Variants in SCN8A observed in about 807,000 individuals in gnomAD.
The protein encoded by SCN8A is sodium channel protein type 8 subunit alpha.
In SCN8A, 30 loss-of-function variants were observed where a neutral mutation model predicts 184.1. The observed-to-expected ratio is 0.16, with a 90% confidence interval of 0.12 to 0.22. The LOEUF (loss-of-function observed/expected upper bound fraction) is 0.22. Among genes scored for constraint, SCN8A ranks in the 10% least tolerant of loss-of-function variants. The pLI is 1.00. For synonymous variants in SCN8A, 852 were observed against 907.0 expected (o/e 0.94, Z 1.09); for missense variants, 1,057 against 2,498.9 (o/e 0.42, Z 12.30).
intron 12 of SCN8A, among the ~76,000 whole-genome samples, chr12:51,739,328 C>CGA (rs1213887739): frequency 6.6e-6 from 1 of 152,086 alleles, no homozygotes; most frequent in Non-Finnish European, 1.5e-5. Context: ...GAACTAAGAG[C>CGA]CGTCACTCGA....
In SCN8A at chr12:51,706,498, C is replaced by G. The variant is rs1200809991; in HGVS notation, c.1418C>G (p.Ser473Cys). 1.9e-6 allele frequency: 3 copies of G among 1,604,884 alleles called. No individual in the cohort carries two copies. In the South Asian group the frequency reaches 3.4e-5, roughly 18 times the overall value. Residue 473 changes from serine (S) to cysteine (C), a missense_variant, in exon 11 of 27, where the codon TCC becomes TGC. Physicochemically the swap from Ser to Cys is moderately radical, Grantham distance 112. Around this residue, in one of 19 missense-constraint regions of SCN8A, gnomAD observed 322 missense variants for 390.1 expected, o/e 0.83. Coordinates refer to ENST00000627620, the MANE Select transcript of SCN8A (RefSeq NM_001330260.2). ...GAAGAAGGTGAAGAAGGAGGGGGCTCCCCTCGGAGCTCTTCTGAAATCTCT... is the reference window on the plus strand; with the variant it reads ...GAAGAAGGTGAAGAAGGAGGGGGCTGCCCTCGGAGCTCTTCTGAAATCTCT... ...IEEEGEEGGG[S>C]PRSSSEISKL... is the part of the protein sequence containing the mutation.
intron 1 of SCN8A, among the ~76,000 whole-genome samples, chr12:51,621,633 G>T (rs753846436): frequency 5.3e-5 from 8 of 152,190 alleles, no homozygotes; most frequent in Non-Finnish European, 7.3e-5. Flanking sequence ...GATGTGGAGA[G>T]ACTAGGGCAG....
At chr12:51,656,962 G>GTTT (rs1940833234) in intron 1 of SCN8A, among the ~76,000 whole-genome samples, 1 of 152,116 alleles carries the variant, frequency 6.6e-6, no homozygotes, top group Non-Finnish European at 1.5e-5. Flanking sequence ...CAGTTTGGCA[G>GTTT]TTCCTCAAAA....
chr12:51,694,705 T>C (rs553438620), intron 6 of SCN8A, among the ~76,000 whole-genome samples: 1 of 152,304 alleles, frequency 6.6e-6, no homozygotes, highest in Non-Finnish European at 1.5e-5. Flanking sequence ...GAATGTGATG[T>C]TGTGAGCCAA....
In SCN8A at chr12:51,807,475, G is replaced by A. The variant is rs1393502070; in HGVS notation, c.*46G>A. On this transcript the variant is annotated 3_prime_UTR_variant, in exon 27 of 27. Coordinates refer to ENST00000627620, the MANE Select transcript of SCN8A (RefSeq NM_001330260.2). The surrounding 1 kb of genome is among the most constrained non-coding windows in gnomAD (Gnocchi z 4.5). ...TTATACAGATCTAAAACTCGCAAGT[G>A]AAAGATTGTTTACAAACTTCCTGAA... is the stretch of plus-strand genomic sequence containing the variant. 1.3e-6 allele frequency: 2 copies of A among 1,545,844 alleles called. No individual in the cohort carries two copies. Among genetic ancestry groups the A allele is most frequent in the African/African-American group, 2.7e-5 (2 of 73,280 alleles).
At position 51,684,304 on chromosome 12, in the gene SCN8A, G is replaced by A. The variant is rs777843626; in HGVS notation, c.395+12G>A. 32 of 1,274,122 alleles carry A rather than the reference G, an allele frequency of 2.5e-5. No homozygotes were observed. The Middle Eastern group carries it at 5.5e-4, about 22-fold the overall frequency. The allele number at this position is 1,274,122 out of a possible 1,614,324, so 78.9% of individuals were successfully genotyped here. A position where few individuals can be genotyped will look rare whatever the true frequency, so the allele number is the denominator to read the frequency against. On this transcript the variant is annotated intron_variant, in intron 3 of 26. Transcript: ENST00000627620. The stretch of plus-strand genomic sequence containing the variant: ...ATTTTGATACATTCATATCCTTTTC[G>A]GCAAATGTGGAGTGAGTGCGGCAAT...
At chr12:51,670,178 C>G (rs893252881) in intron 2 of SCN8A, among the ~76,000 whole-genome samples, 6 of 152,130 alleles carry the variant, frequency 3.9e-5, no homozygotes, top group Non-Finnish European at 7.3e-5. Context: ...TGGTCTTGTC[C>G]CCTCTCTAAG....
chr12:51,696,181 G>A (rs757503680), intron 6 of SCN8A, among the ~76,000 whole-genome samples: 1 of 152,206 alleles, frequency 6.6e-6, no homozygotes, highest in Non-Finnish European at 1.5e-5. Context: ...TGTTTGGAAA[G>A]GTGATTGTCT....
intron 12 of SCN8A, chr12:51,722,132 G>C: frequency 1.5e-6 from 1 of 649,170 alleles, no homozygotes; most frequent in South Asian, 2.0e-5. Flanking sequence ...TACTCACCCT[G>C]TCTTCTCCTT....
intron 11 of SCN8A, among the ~76,000 whole-genome samples, chr12:51,710,452 G>A (rs1307520813): frequency 6.6e-6 from 1 of 152,086 alleles, no homozygotes; most frequent in African/African-American, 2.4e-5. Context: ...ATCATTTGAG[G>A]CCAGGAGTTC....
chr12:51,622,271 A>G (rs1939979162), intron 1 of SCN8A, among the ~76,000 whole-genome samples: 1 of 152,182 alleles, frequency 6.6e-6, no homozygotes, highest in Non-Finnish European at 1.5e-5. Flanking sequence ...ACCATGGTGT[A>G]TTTGTCAGAA....
intron 2 of SCN8A, among the ~76,000 whole-genome samples, chr12:51,670,093 T>C (rs1941104421): frequency 6.6e-6 from 1 of 152,240 alleles, no homozygotes; most frequent in Non-Finnish European, 1.5e-5. Flanking sequence ...ATTTACCAAA[T>C]CAAATTGAGA....
At position 51,794,966 on chromosome 12, in the gene SCN8A, G is replaced by A. The variant is rs557019942; in HGVS notation, c.4795+325G>A. On this transcript the variant is annotated intron_variant, in intron 26 of 26. Coordinates refer to ENST00000627620, the MANE Select transcript of SCN8A (RefSeq NM_001330260.2). The stretch of plus-strand genomic sequence containing the variant: ...TAAAAGAAAGTTGTCATTAAAAAAT[G>A]TAGCACAATAGAAGTATAAAATGAA... Among the ~76,000 whole-genome samples the A allele has an allele frequency of 2.0e-3, 305 of 152,306 alleles. 1 individual carries two copies. The highest frequency in any genetic ancestry group is 6.9e-3 in the African/African-American group (288 of 41,576).
At chr12:51,699,144 T>C (rs549982963) in intron 6 of SCN8A, among the ~76,000 whole-genome samples, 1 of 152,310 alleles carries the variant, frequency 6.6e-6, no homozygotes, top group South Asian at 2.1e-4. Context: ...TCTGGAAGAA[T>C]TGACGTTTAA....
intron 25 of SCN8A, among the ~76,000 whole-genome samples, chr12:51,792,563 C>T (rs577231249): frequency 6.7e-6 from 1 of 150,086 alleles, no homozygotes; most frequent in South Asian, 2.1e-4. Context: ...ATACACAAGA[C>T]CCCAGAAGCA....
chr12:51,619,413 A>G (rs559135564), intron 1 of SCN8A, among the ~76,000 whole-genome samples: 1 of 152,330 alleles, frequency 6.6e-6, no homozygotes, highest in South Asian at 2.1e-4. Flanking sequence ...ATGTGAGGCT[A>G]TATAGAATAA....
At chr12:51,719,926 A>C (rs1477716367) in intron 11 of SCN8A, among the ~76,000 whole-genome samples, 4 of 151,884 alleles carry the variant, frequency 2.6e-5, no homozygotes, top group African/African-American at 9.7e-5. Flanking sequence ...AATACAAAAA[A>C]TTAGCCGGGC....
At chr12:51,609,379 G>A (rs557470949) in intron 1 of SCN8A, among the ~76,000 whole-genome samples, 9 of 152,230 alleles carry the variant, frequency 5.9e-5, no homozygotes, top group African/African-American at 1.4e-4. Flanking sequence ...GTGTAGTGCC[G>A]TTAGTATTGA....
At chr12:51,647,747 G>A (rs1303371773) in intron 1 of SCN8A, among the ~76,000 whole-genome samples, 3 of 152,180 alleles carry the variant, frequency 2.0e-5, no homozygotes, top group Admixed American at 6.5e-5. Context: ...AATTGGCAGC[G>A]TAGCATCTCG....
Sources: gnomAD v4.1 joint callset for allele counts (sites outside exome capture counted in the v4.1 genomes callset) on GRCh38, gnomAD v4.1.1 for gene constraint, gnomAD v4.1.1 regional missense constraint, Gnocchi (gnomAD v3.1) non-coding constraint, MANE v1.5 for transcripts, NCBI Gene and HGNC (gene_info 2026-07-23, HGNC 2026-07-21) for gene names.